Variants in GALR1 observed in about 807,000 individuals in gnomAD.
The protein encoded by GALR1 is galanin receptor type 1.
In GALR1, 11 loss-of-function variants were observed where a neutral mutation model predicts 17.9. The observed-to-expected ratio is 0.62, with a 90% confidence interval of 0.39 to 1.02. The LOEUF (loss-of-function observed/expected upper bound fraction) is 1.02. Among genes scored for constraint, GALR1 ranks in the 50% least tolerant of loss-of-function variants. The pLI, the probability that GALR1 is intolerant of heterozygous loss-of-function variation, is 0.01. For synonymous variants in GALR1, 206 were observed against 205.7 expected, an observed-to-expected ratio of 1.00 and a Z score of -0.01; for missense variants, 441 against 456.9, an observed-to-expected ratio of 0.97 and a Z score of 0.32.
intron 2 of GALR1, among the ~76,000 whole-genome samples, chr18:77,263,908 G>A (rs1049359979): frequency 7.9e-5 from 12 of 151,976 alleles, no homozygotes; most frequent in Admixed American, 5.9e-4. Context: ...AGGCTGAGGC[G>A]GACAGATCAT....
At chr18:77,258,827 CTGGTGATGG>C (rs1170477629) in intron 2 of GALR1, among the ~76,000 whole-genome samples, 2 of 20,450 alleles carry the variant, frequency 9.8e-5, no homozygotes, top group African/African-American at 3.8e-4. Context: ...GGTGGTGGTG[CTGGTGATGG>C]TGGTGATGGT....
chr18:77,258,309 C>T (rs1011500394), intron 2 of GALR1, among the ~76,000 whole-genome samples: 3 of 152,126 alleles, frequency 2.0e-5, no homozygotes, highest in Non-Finnish European at 4.4e-5. Context: ...GAGGATCTAG[C>T]ATTTGAAGAA....
intron 2 of GALR1, among the ~76,000 whole-genome samples, chr18:77,260,077 G>A (rs1440114672): frequency 6.6e-6 from 1 of 152,068 alleles, no homozygotes; most frequent in Non-Finnish European, 1.5e-5. Flanking sequence ...TCTCAGCTCT[G>A]TATCCACTGG....
At chr18:77,267,227 T>C (rs535192429) in intron 2 of GALR1, among the ~76,000 whole-genome samples, 14 of 152,306 alleles carry the variant, frequency 9.2e-5, no homozygotes, top group African/African-American at 2.9e-4. Context: ...ACAGCTAGCA[T>C]AATGCTTCTT....
At chr18:77,268,504 T>C in intron 2 of GALR1, 81 bp from the exon 3 acceptor site, 2 of 915,456 alleles carry the variant, frequency 2.2e-6, no homozygotes, top group East Asian at 2.4e-5. Flanking sequence ...TTTTGTGTTG[T>C]AATCAATGAA....
In GALR1 at chr18:77,277,831, C is replaced by T. The variant is rs986473660; in HGVS notation, c.*8929C>T. 44 of 152,160 alleles carry T rather than the reference C, an allele frequency of 2.9e-4. No individual in the cohort carries two copies. The highest frequency in any genetic ancestry group is 1.0e-3 in the African/African-American group (43 of 41,436). The allele number at this position is 152,160 out of a possible 1,614,324, so 9.4% of individuals were successfully genotyped here. A position where few individuals can be genotyped will look rare whatever the true frequency, so the allele number is the denominator to read the frequency against. On this transcript the variant is annotated 3_prime_UTR_variant, in exon 3 of 3. Transcript: ENST00000299727. ...TCCATCATCCTACCTCTGTGTTCTG[C>T]ATGAAATATAATTGGCCTTTGTGAT... is the stretch of plus-strand genomic sequence containing the variant.
chr18:77,264,338 C>T (rs2144965004), intron 2 of GALR1, among the ~76,000 whole-genome samples: 1 of 152,118 alleles, frequency 6.6e-6, no homozygotes, highest in South Asian at 2.1e-4. Context: ...AGTCACTTTC[C>T]CATGTCTTAG....
intron 1 of GALR1, 57 bp downstream of exon 1, chr18:77,251,271 C>A: frequency 6.5e-7 from 1 of 1,542,662 alleles, no homozygotes; most frequent in East Asian, 2.3e-5. Context: ...CCGGTGGGGG[C>A]CCTGGGGTCT....
chr18:77,252,717 G>T (rs1304333722), intron 1 of GALR1, among the ~76,000 whole-genome samples: 1 of 151,738 alleles, frequency 6.6e-6, no homozygotes, highest in African/African-American at 2.4e-5. Context: ...GTGTGGTGGC[G>T]GGCCCCTGTA....
chr18:77,257,700 G>A (rs116755639), intron 2 of GALR1, among the ~76,000 whole-genome samples: 2,119 of 152,296 alleles, frequency 0.014, 46 homozygotes, highest in African/African-American at 0.049. Flanking sequence ...CACCTGCTCT[G>A]TGTAGGACCA....
At position 77,250,048 on chromosome 18, in the gene GALR1, C is replaced by G. The variant is rs1412822880; in HGVS notation, c.-501C>G. ...GGGAGCCTTCTCTGCAGGAGCCGCA[C>G]AGTGCACTGCTGCGCGCTGGGCAGT... On this transcript the variant is annotated 5_prime_UTR_variant, in exon 1 of 3. Transcript: ENST00000299727. 6.6e-6 allele frequency among the ~76,000 whole-genome samples: 1 copy of G among 152,214 alleles called. No individual in the cohort carries two copies. The highest frequency in any genetic ancestry group is 2.4e-5 in the African/African-American group (1 of 41,460).
chr18:77,258,436 T>TGTG (rs1027845260), intron 2 of GALR1, among the ~76,000 whole-genome samples: 3 of 151,658 alleles, frequency 2.0e-5, no homozygotes, highest in Non-Finnish European at 4.4e-5. Flanking sequence ...AATAAATAAA[T>TGTG]GTGGTGGTGG....
Position 77,251,050 on chromosome 18 carries a change from T to G in GALR1, c.502T>G (p.Ser168Ala), listed in dbSNP as rs1249233160. ...CIWALSIAMA[S>A]PVAYHQGLFH... is the part of the protein sequence containing the mutation. ...CTGGGCGCTGTCCATTGCCATGGCC[T>G]CGCCCGTGGCCTACCACCAGGGCCT... is the stretch of plus-strand genomic sequence containing the variant. The change falls in exon 1 of 3, where the codon TCG becomes GCG. Residue 168 changes from serine (S) to alanine (A), a missense_variant. Coordinates refer to ENST00000299727, the MANE Select transcript of GALR1 (RefSeq NM_001480.4). The G allele has an allele frequency of 1.9e-6, 3 of 1,607,218 alleles. No individual in the cohort carries two copies. The highest frequency in any genetic ancestry group is 1.3e-5 in the African/African-American group (1 of 74,906).
At chr18:77,262,218 T>TG (rs1458437438) in intron 2 of GALR1, among the ~76,000 whole-genome samples, 2 of 125,502 alleles carry the variant, frequency 1.6e-5, no homozygotes, top group African/African-American at 5.9e-5. Flanking sequence ...CTATCCGAAT[T>TG]AAAAAAAAAA....
At chr18:77,256,451 G>A (rs1376758540) in intron 2 of GALR1, among the ~76,000 whole-genome samples, 1 of 152,042 alleles carries the variant, frequency 6.6e-6, no homozygotes, top group Non-Finnish European at 1.5e-5. Flanking sequence ...TGAAGATCTG[G>A]GGAGATGAGG....
At chr18:77,263,522 G>T (rs1271542642) in intron 2 of GALR1, among the ~76,000 whole-genome samples, 1 of 152,184 alleles carries the variant, frequency 6.6e-6, no homozygotes, top group Non-Finnish European at 1.5e-5. Flanking sequence ...GGCATGGCCA[G>T]GTGGGAACAC....
chr18:77,251,233 G>T lies in GALR1; in HGVS notation c.666+19G>T. 6.3e-7 allele frequency: 1 copy of T among 1,578,306 alleles called. No individual in the cohort carries two copies. On this transcript the variant is annotated intron_variant, in intron 1 of 2. Transcript: ENST00000299727. Reference sequence around the variant, plus strand: ...TGCCAAGGTGCACGCCGGTCGCGGGGCCGAGACGCGCGAGGGAGGGCGGAG... The same window carrying T: ...TGCCAAGGTGCACGCCGGTCGCGGGTCCGAGACGCGCGAGGGAGGGCGGAG...
At chr18:77,252,816 C>CTA in intron 1 of GALR1, among the ~76,000 whole-genome samples, 1 of 150,226 alleles carries the variant, frequency 6.7e-6, no homozygotes, top group East Asian at 2.0e-4. Flanking sequence ...CCACTGAACT[C>CTA]TAGCCTGGCT....
At chr18:77,259,141 C>G (rs796560274) in intron 2 of GALR1, among the ~76,000 whole-genome samples, 3 of 1,612 alleles carry the variant, frequency 1.9e-3, no homozygotes, top group Admixed American at 0.012. Context: ...TGGTGGTGGT[C>G]ATGGTGGTCA....
Sources: allele counts gnomAD v4.1 joint callset (sites outside exome capture counted in the v4.1 genomes callset), GRCh38; gene constraint gnomAD v4.1.1; transcripts MANE v1.5; gene names NCBI Gene and HGNC (gene_info 2026-07-23, HGNC 2026-07-21).